Variants in KCNN4 observed in about 807,000 individuals in gnomAD.
KCNN4 encodes potassium calcium-activated channel subfamily N member 4.
Under a neutral mutation model 45.2 loss-of-function variants are expected in KCNN4, and 31 were observed. That is an observed-to-expected ratio of 0.69 (90% CI 0.52 to 0.92). KCNN4 has a LOEUF of 0.92. KCNN4 is among the 40% of genes least tolerant of loss of function. The pLI, the probability that KCNN4 is intolerant of heterozygous loss-of-function variation, is 0.00. For synonymous variants in KCNN4, 231 were observed against 254.6 expected (o/e 0.91, Z 0.88); for missense variants, 463 against 574.0 (o/e 0.81, Z 1.98).
At chr19:43,779,202 A>T (rs1969901166) in intron 1 of KCNN4, among the ~76,000 whole-genome samples, 1 of 152,116 alleles carries the variant, frequency 6.6e-6, no homozygotes, top group Non-Finnish European at 1.5e-5. Context: ...AGGGGTGAGA[A>T]AGCAGAGGGG....
chr19:43,780,243 A>T (rs905887277), intron 1 of KCNN4, among the ~76,000 whole-genome samples: 6 of 151,832 alleles, frequency 4.0e-5, no homozygotes, highest in Non-Finnish European at 7.4e-5. Flanking sequence ...CACTGAAACA[A>T]ATATTCCCTT....
Position 43,767,693 on chromosome 19 carries a change from C to T in KCNN4, c.1134G>A (p.Leu378=), listed in dbSNP as rs777228304. 1 of 1,614,018 alleles carries T rather than the reference C, an allele frequency of 6.2e-7. No individual in the cohort carries two copies. The highest frequency in any genetic ancestry group is 8.5e-7 in the Non-Finnish European group (1 of 1,180,020). The change falls in exon 8 of 9, where the codon CTG becomes CTA. Residue 378 remains leucine, a synonymous_variant. Coordinates refer to ENST00000648319, the MANE Select transcript of KCNN4 (RefSeq NM_002250.3). The part of the protein sequence containing the change: ...MVDISKMHMI[L]YDLQQNLSSS... ...TGCTCAGATTCTGCTGCAGGTCATACAGGATCATGTGCATCTGGGTGGGAG... is the reference window on the plus strand; with the variant it reads ...TGCTCAGATTCTGCTGCAGGTCATATAGGATCATGTGCATCTGGGTGGGAG...
intron 1 of KCNN4, among the ~76,000 whole-genome samples, chr19:43,778,232 T>C (rs1350985802): frequency 8.0e-6 from 1 of 124,526 alleles, no homozygotes; most frequent in African/African-American, 3.0e-5. Context: ...TGAGGGTCTT[T>C]GTTTCTATTG....
At chr19:43,767,355 T>A in intron 8 of KCNN4, 185 bp downstream of exon 8, 1 of 670,626 alleles carries the variant, frequency 1.5e-6, no homozygotes, top group Non-Finnish European at 2.5e-6. Context: ...GGGGAGAGGG[T>A]ACACCATCTT....
At chr19:43,773,686 T>G (rs1969704741) in intron 3 of KCNN4, among the ~76,000 whole-genome samples, 1 of 152,212 alleles carries the variant, frequency 6.6e-6, no homozygotes, top group Non-Finnish European at 1.5e-5. Flanking sequence ...TTACACAGTA[T>G]CTAGCTGGCA....
At chr19:43,777,684 T>C (rs1187606624) in intron 1 of KCNN4, among the ~76,000 whole-genome samples, 1 of 151,974 alleles carries the variant, frequency 6.6e-6, no homozygotes, top group Non-Finnish European at 1.5e-5. Flanking sequence ...TTTTTTTTTT[T>C]TCCTCTCTTT....
intron 1 of KCNN4, among the ~76,000 whole-genome samples, chr19:43,780,494 C>T (rs531464907): frequency 1.8e-3 from 213 of 118,560 alleles, no homozygotes; most frequent in African/African-American, 6.4e-3. Flanking sequence ...GAGTCCAGGC[C>T]CTCAGTCCCT....
chr19:43,776,529 G>A lies in KCNN4; in HGVS notation c.255+12C>T. ...TGGAGGGAGCAAGGCTTAGGGGCGG[G>A]GCCTGCCCTACCTGGACCTCTTTGG... On this transcript the variant is annotated intron_variant, in intron 2 of 8. Coordinates refer to ENST00000648319, the MANE Select transcript of KCNN4 (RefSeq NM_002250.3). The A allele has an allele frequency of 6.3e-7, 1 of 1,589,902 alleles. No individual in the cohort carries two copies. Among genetic ancestry groups the A allele is most frequent in the South Asian group, 1.1e-5 (1 of 90,522 alleles).
At position 43,767,840 on chromosome 19, in the gene KCNN4, ACCATGT is replaced by A; in HGVS notation, c.1120-139_1120-134del. On this transcript the variant is annotated intron_variant, in intron 7 of 8. Transcript: ENST00000648319. ...AGGATTACCCTCGACAATAACTGTT[ACCATGT>A]ATTGACCACCTACCACTTCCCAGCT... The A allele has an allele frequency of 3.5e-6, 4 of 1,143,212 alleles. No individual in the cohort carries two copies. In the Admixed American group the frequency reaches 6.3e-5, roughly 18 times the overall value. The allele number at this position is 1,143,212 out of a possible 1,614,324, so 70.8% of individuals were successfully genotyped here. A position where few individuals can be genotyped will look rare whatever the true frequency, so the allele number is the denominator to read the frequency against.
Position 43,769,707 on chromosome 19 carries a change from T to C in KCNN4, c.930+12A>G, listed in dbSNP as rs201795190. ...AGAGGGGTGTCCCATGGGTGCCATA[T>C]GCCCATCTCACCTCTTTGGTATACT... On this transcript the variant is annotated intron_variant, in intron 5 of 8. Transcript: ENST00000648319. This position sits in a 1 kb window ranked among gnomAD's most constrained non-coding sequence, Gnocchi z 4.4. The C allele has an allele frequency of 8.1e-5, 130 of 1,603,260 alleles. No homozygotes were observed. The highest frequency in any genetic ancestry group is 9.8e-5 in the Non-Finnish European group (115 of 1,170,648).
At chr19:43,775,235 G>A (rs934130171) in intron 2 of KCNN4, among the ~76,000 whole-genome samples, 1 of 152,200 alleles carries the variant, frequency 6.6e-6, no homozygotes, top group Non-Finnish European at 1.5e-5. Context: ...TCTGAGGTAG[G>A]AGAATCACTT....
At position 43,774,377 on chromosome 19, in the gene KCNN4, G is replaced by T; in HGVS notation, c.498C>A (p.Ala166=). 6.2e-7 allele frequency: 1 copy of T among 1,604,168 alleles called. No individual in the cohort carries two copies. The highest frequency in any genetic ancestry group is 1.1e-5 in the South Asian group (1 of 89,698). ...GCAGGACGCCGCTGCGCAGGAGCAC[G>T]GCGCGGGGCACCAGGTAGAGACGCA... ...MLLRLYLVPR[A]VLLRSGVLLN... Residue 166 remains alanine (A), a synonymous_variant, in exon 3 of 9, where the codon GCC becomes GCA. Coordinates refer to ENST00000648319, the MANE Select transcript of KCNN4 (RefSeq NM_002250.3). The surrounding 1 kb of genome is among the most constrained non-coding windows in gnomAD (Gnocchi z 5.6).
At position 43,772,474 on chromosome 19, in the gene KCNN4, G is replaced by T. The variant is rs10414395; in HGVS notation, c.684-339C>A. Among the ~76,000 whole-genome samples the T allele has an allele frequency of 0.81, 123,539 of 151,786 alleles. 50,416 individuals are homozygous for T. The highest frequency in any genetic ancestry group is 0.96 in the East Asian group (4,908 of 5,126). On this transcript the variant is annotated intron_variant, in intron 3 of 8. Coordinates refer to ENST00000648319, the MANE Select transcript of KCNN4 (RefSeq NM_002250.3). The surrounding 1 kb of genome is among the most constrained non-coding windows in gnomAD (Gnocchi z 4.4). ...AGCGTGTGGTTGAGGGTGGAGAGTCGATAGGGGGCCAAAACCCAGTCAGAC... is the reference window on the plus strand; with the variant it reads ...AGCGTGTGGTTGAGGGTGGAGAGTCTATAGGGGGCCAAAACCCAGTCAGAC...
At chr19:43,776,863 T>C in intron 1 of KCNN4, 1 of 476,482 alleles carries the variant, frequency 2.1e-6, no homozygotes, top group Non-Finnish European at 3.8e-6. Context: ...TCTGGGAGGC[T>C]GAGGCAGGTG....
Position 43,767,694 on chromosome 19 carries a change from A to C in KCNN4, c.1133T>G (p.Leu378Arg), listed in dbSNP as rs762429929. Residue 378 changes from leucine to arginine, a missense_variant, in exon 8 of 9, where the codon CTG (leucine) becomes CGG (arginine). Around this residue, in one of 3 missense-constraint regions of KCNN4, gnomAD observed 129 missense variants for 149.4 expected, o/e 0.86. Coordinates refer to ENST00000648319, the MANE Select transcript of KCNN4 (RefSeq NM_002250.3). ...MVDISKMHMI[L>R]YDLQQNLSSS... is the part of the protein sequence containing the mutation. ...GCTCAGATTCTGCTGCAGGTCATAC[A>C]GGATCATGTGCATCTGGGTGGGAGG... The C allele has an allele frequency of 1.9e-6, 3 of 1,614,124 alleles. No individual in the cohort carries two copies. The East Asian group carries it at 6.7e-5, about 36-fold the overall frequency.
chr19:43,776,473 A>T, intron 2 of KCNN4, 68 bp downstream of exon 2: 1 of 1,074,052 alleles, frequency 9.3e-7, no homozygotes. Flanking sequence ...AGGAGGGTGG[A>T]AAGTGTGAGC....
intron 7 of KCNN4, 149 bp downstream of exon 7, chr19:43,768,814 C>G: frequency 7.3e-6 from 5 of 681,330 alleles, no homozygotes; most frequent in South Asian, 1.7e-5. Flanking sequence ...ATCATTCATT[C>G]CTTCCTTCCT....
At position 43,769,915 on chromosome 19, in the gene KCNN4, G is replaced by A. The variant is rs541959304; in HGVS notation, c.820-86C>T. The A allele has an allele frequency of 1.9e-5, 16 of 840,306 alleles. No homozygotes were observed. Among genetic ancestry groups the A allele is most frequent in the Admixed American group, 4.2e-5 (2 of 47,794 alleles). The allele number at this position is 840,306 out of a possible 1,614,324, so 52.1% of individuals were successfully genotyped here. On this transcript the variant is annotated intron_variant, in intron 4 of 8. Coordinates refer to ENST00000648319, the MANE Select transcript of KCNN4 (RefSeq NM_002250.3). This position sits in a 1 kb window ranked among gnomAD's most constrained non-coding sequence, Gnocchi z 4.4. ...CCCAACAGCCACAGACGGTAGGCAC[G>A]ACCATCCCCAGTTAGCAGACAAGCA...
At chr19:43,767,351 A>C (rs1969508665) in intron 8 of KCNN4, 189 bp downstream of exon 8, 2 of 647,854 alleles carry the variant, frequency 3.1e-6, no homozygotes, top group South Asian at 4.1e-5. Flanking sequence ...TGAAGGGGAG[A>C]GGGTACACCA....
Sources: allele counts gnomAD v4.1 joint callset (sites outside exome capture counted in the v4.1 genomes callset), GRCh38; gene constraint gnomAD v4.1.1; regional missense constraint gnomAD v4.1.1; non-coding constraint Gnocchi (gnomAD v3.1); transcripts MANE v1.5; gene names NCBI Gene and HGNC (gene_info 2026-07-23, HGNC 2026-07-21).